PAX3: variants seen among roughly 807,000 people sequenced by gnomAD.
The protein encoded by PAX3 is paired box protein Pax-3.
Under a neutral mutation model 51.6 loss-of-function variants are expected in PAX3, and 14 were observed. The ratio of observed to expected loss-of-function variants is 0.27; its 90% CI spans 0.18 to 0.42. The LOEUF (loss-of-function observed/expected upper bound fraction) is 0.42, where lower values mean the gene tolerates loss of function less well. Ranked by LOEUF, PAX3 falls within the 10% of genes least tolerant of loss-of-function variation. The probability of loss-of-function intolerance (pLI) is 1.00; values close to 1 mark genes in which losing one functional copy is unlikely to be tolerated. For synonymous variants in PAX3, 280 were observed against 253.4 expected (o/e 1.11, Z -1.00); for missense variants, 540 against 642.8 (o/e 0.84, Z 1.73).
intron 3 of PAX3, 101 bp from the exon 4 acceptor site, chr2:222,294,402 T>A: frequency 7.8e-7 from 1 of 1,289,962 alleles, no homozygotes; most frequent in Non-Finnish European, 1.1e-6. Context: ...GCCAGGGCCC[T>A]AGAGCCGCTG....
Position 222,201,065 on chromosome 2 carries a change from A to C in PAX3, c.*343T>G. The stretch of plus-strand genomic sequence containing the variant: ...CACACACACACACACGCACGCACGC[A>C]CACAAGCAAATGGAATGTTCTAGCT... On this transcript the variant is annotated 3_prime_UTR_variant, in exon 9 of 9. Transcript: ENST00000392070. 2 of 1,229,620 alleles carry C rather than the reference A, an allele frequency of 1.6e-6. No individual in the cohort carries two copies. The highest frequency in any genetic ancestry group is 2.6e-5 in the South Asian group (2 of 77,668). The allele number at this position is 1,229,620 out of a possible 1,614,324, so 76.2% of individuals were successfully genotyped here.
At chr2:222,282,179 G>C (rs1422778663) in intron 4 of PAX3, among the ~76,000 whole-genome samples, 1 of 151,810 alleles carries the variant, frequency 6.6e-6, no homozygotes, top group Non-Finnish European at 1.5e-5. Context: ...TATAATATTC[G>C]CTGGCAATCA....
At chr2:222,227,737 A>T (rs1035566470) in intron 5 of PAX3, among the ~76,000 whole-genome samples, 8 of 152,286 alleles carry the variant, frequency 5.3e-5, no homozygotes, top group African/African-American at 1.9e-4. Flanking sequence ...TTTAAAAAAA[A>T]AAAAAACCTT....
At chr2:222,236,333 A>G (rs1023661765) in intron 4 of PAX3, among the ~76,000 whole-genome samples, 2 of 152,114 alleles carry the variant, frequency 1.3e-5, no homozygotes, top group South Asian at 4.1e-4. Flanking sequence ...GGCTCAAGCA[A>G]TCTTCCCACC....
chr2:222,211,960 G>A (rs756166416), intron 7 of PAX3, among the ~76,000 whole-genome samples: 1 of 152,156 alleles, frequency 6.6e-6, no homozygotes, highest in Non-Finnish European at 1.5e-5. Context: ...ATGAGGCTTG[G>A]TTTGGTTTCA....
intron 2 of PAX3, among the ~76,000 whole-genome samples, chr2:222,296,393 C>T (rs1409412885): frequency 1.3e-5 from 2 of 152,134 alleles, no homozygotes; most frequent in South Asian, 2.1e-4. Context: ...TGGTGTGACT[C>T]TTTCTTTTTA....
intron 4 of PAX3, among the ~76,000 whole-genome samples, chr2:222,234,824 C>A (rs929087707): frequency 2.0e-5 from 3 of 152,200 alleles, no homozygotes; most frequent in Non-Finnish European, 4.4e-5. Flanking sequence ...GAACAATGTG[C>A]TCCCTAAGAA....
intron 4 of PAX3, among the ~76,000 whole-genome samples, chr2:222,271,856 A>G (rs546690669): frequency 1.8e-4 from 28 of 152,344 alleles, no homozygotes; most frequent in African/African-American, 6.7e-4. Flanking sequence ...TCAGTTCCAC[A>G]TGAAAGAAGC....
intron 1 of PAX3, among the ~76,000 whole-genome samples, 181 bp from the exon 2 acceptor site, chr2:222,297,394 T>G (rs751244266): frequency 2.0e-5 from 3 of 152,216 alleles, no homozygotes; most frequent in African/African-American, 4.8e-5. Context: ...TTGTTCAAAT[T>G]ATTCAGCAAT....
chr2:222,281,402 C>T (rs1248430379), intron 4 of PAX3, among the ~76,000 whole-genome samples: 1 of 152,184 alleles, frequency 6.6e-6, no homozygotes, highest in African/African-American at 2.4e-5. Context: ...GTTTATAAAT[C>T]AGAAGCAAAG....
chr2:222,226,073 T>C (rs935996319), intron 5 of PAX3, among the ~76,000 whole-genome samples: 3 of 152,192 alleles, frequency 2.0e-5, no homozygotes, highest in African/African-American at 7.2e-5. Context: ...TTGGTGGTGT[T>C]CTCAAAGGCA....
intron 3 of PAX3, among the ~76,000 whole-genome samples, chr2:222,294,758 G>GCCCCCCCCCCCCCCCCCCCCC (rs368069047): frequency 1.1e-5 from 1 of 87,096 alleles, no homozygotes; most frequent in Non-Finnish European, 2.2e-5. Flanking sequence ...ACTTGTCCGC[G>GCCCCCCCCCCCCCCCCCCCCC]CCCCCCCCCA....
At chr2:222,268,009 C>A (rs1296092334) in intron 4 of PAX3, among the ~76,000 whole-genome samples, 5 of 152,128 alleles carry the variant, frequency 3.3e-5, no homozygotes, top group African/African-American at 1.2e-4. Context: ...AAGGCCATAA[C>A]TTTTATATTA....
At chr2:222,205,221 G>T (rs1026217290) in intron 7 of PAX3, among the ~76,000 whole-genome samples, 3 of 152,168 alleles carry the variant, frequency 2.0e-5, no homozygotes, top group Non-Finnish European at 4.4e-5. Flanking sequence ...TGTTTGCAGA[G>T]CCGTATTAGG....
intron 2 of PAX3, among the ~76,000 whole-genome samples, chr2:222,296,232 T>G (rs1007111492): frequency 3.9e-5 from 6 of 152,228 alleles, no homozygotes; most frequent in Admixed American, 3.9e-4. Flanking sequence ...TTCCAAAGAT[T>G]CTTAGAAAGG....
chr2:222,210,091 A>C (rs1217050036), intron 7 of PAX3, among the ~76,000 whole-genome samples: 1 of 152,082 alleles, frequency 6.6e-6, no homozygotes, highest in Non-Finnish European at 1.5e-5. Context: ...CCACCTGATG[A>C]CTTGTGCTTA....
chr2:222,294,418 C>A, intron 3 of PAX3, 117 bp from the exon 4 acceptor site: 1 of 1,123,498 alleles, frequency 8.9e-7, no homozygotes, highest in Non-Finnish European at 1.3e-6. Context: ...CGCTGCCCTG[C>A]ACTGCTCGCG....
intron 5 of PAX3, among the ~76,000 whole-genome samples, chr2:222,230,183 A>G (rs1170739602): frequency 6.6e-6 from 1 of 152,068 alleles, no homozygotes. Context: ...CTCAAAAAAA[A>G]AAAAAATTAA....
intron 4 of PAX3, among the ~76,000 whole-genome samples, chr2:222,249,361 A>G (rs1224300587): frequency 2.0e-5 from 3 of 152,060 alleles, no homozygotes; most frequent in African/African-American, 7.2e-5. Flanking sequence ...TTCCTCTCTC[A>G]GCTCAGACCC....
Sources: allele counts gnomAD v4.1 joint callset (sites outside exome capture counted in the v4.1 genomes callset), GRCh38; gene constraint gnomAD v4.1.1; transcripts MANE v1.5; gene names NCBI Gene and HGNC (gene_info 2026-07-23, HGNC 2026-07-21).